The following CDK6 variants were observed in gnomAD, a reference collection of about 807,000 sequenced individuals.
CDK6 encodes cyclin dependent kinase 6.
Under a neutral mutation model 37.1 loss-of-function variants are expected in CDK6, and 6 were observed. That is an observed-to-expected ratio of 0.16 (90% confidence interval 0.09 to 0.32). CDK6 has a LOEUF of 0.32. Ranked by LOEUF, CDK6 falls within the 10% of genes least tolerant of loss-of-function variation. The probability of loss-of-function intolerance (pLI) is 1.00; values close to 1 mark genes in which losing one functional copy is unlikely to be tolerated. For missense variants in CDK6, 224 were observed against 418.9 expected, an observed-to-expected ratio of 0.53 and a Z score of 4.06; for synonymous variants, 160 against 161.3, an observed-to-expected ratio of 0.99 and a Z score of 0.06.
chr7:92,625,843 T>C (rs985622452), intron 5 of CDK6, among the ~76,000 whole-genome samples: 1 of 152,044 alleles, frequency 6.6e-6, no homozygotes, highest in Non-Finnish European at 1.5e-5. Flanking sequence ...TTACAATAAT[T>C]TCATTGTACT....
intron 5 of CDK6, among the ~76,000 whole-genome samples, chr7:92,639,406 A>G (rs1200854378): frequency 2.0e-5 from 3 of 152,178 alleles, no homozygotes; most frequent in Non-Finnish European, 4.4e-5. Context: ...GCATGTTAGG[A>G]GACTGACAAA....
chr7:92,762,157 TG>T (rs888875282), intron 3 of CDK6, among the ~76,000 whole-genome samples: 4 of 152,170 alleles, frequency 2.6e-5, no homozygotes, highest in Non-Finnish European at 4.4e-5. Flanking sequence ...ATAATCATAA[TG>T]GGGGGGACAA....
chr7:92,782,044 G>C (rs1020524207), intron 2 of CDK6, among the ~76,000 whole-genome samples: 1 of 152,178 alleles, frequency 6.6e-6, no homozygotes, highest in African/African-American at 2.4e-5. Flanking sequence ...TGTGCATGCT[G>C]CTAGAAGCAA....
intron 5 of CDK6, among the ~76,000 whole-genome samples, chr7:92,641,491 T>C (rs1007207360): frequency 2.0e-5 from 3 of 152,246 alleles, no homozygotes; most frequent in Admixed American, 6.5e-5. Flanking sequence ...TATGTTCCCA[T>C]ATTTTTTGAG....
At chr7:92,684,080 A>G (rs2116628598) in intron 4 of CDK6, among the ~76,000 whole-genome samples, 1 of 152,338 alleles carries the variant, frequency 6.6e-6, no homozygotes, top group African/African-American at 2.4e-5. Context: ...CGCTGAATTA[A>G]CTTTATCTGT....
chr7:92,618,248 T>G (rs780700721), intron 6 of CDK6, 41 bp from the exon 7 acceptor site: 3 of 1,599,308 alleles, frequency 1.9e-6, no homozygotes, highest in African/African-American at 2.7e-5. Context: ...TTAGCTACTA[T>G]GCAGAAGCTG....
At chr7:92,625,129 A>G (rs1400212877) in intron 5 of CDK6, among the ~76,000 whole-genome samples, 2 of 151,824 alleles carry the variant, frequency 1.3e-5, no homozygotes, top group Non-Finnish European at 2.9e-5. Flanking sequence ...AATGATACTT[A>G]CCTCATAGGA....
intron 2 of CDK6, among the ~76,000 whole-genome samples, chr7:92,805,745 G>T (rs1015721377): frequency 5.3e-5 from 8 of 152,196 alleles, no homozygotes; most frequent in African/African-American, 1.9e-4. Flanking sequence ...GACCAGAAGT[G>T]TAATGATTCT....
intron 5 of CDK6, among the ~76,000 whole-genome samples, chr7:92,638,735 T>A (rs1035400662): frequency 6.6e-6 from 1 of 152,184 alleles, no homozygotes; most frequent in African/African-American, 2.4e-5. Context: ...GTCCTCAAAT[T>A]AAATATGTCT....
chr7:92,793,802 G>A (rs1248171603), intron 2 of CDK6, among the ~76,000 whole-genome samples: 1 of 152,048 alleles, frequency 6.6e-6, no homozygotes, highest in East Asian at 1.9e-4. Flanking sequence ...GGCCAGAGTA[G>A]GCAAATCTAC....
intron 3 of CDK6, among the ~76,000 whole-genome samples, chr7:92,743,776 A>G (rs1470005608): frequency 6.6e-6 from 1 of 152,242 alleles, no homozygotes; most frequent in Non-Finnish European, 1.5e-5. Context: ...TGGCAGAGAG[A>G]GGAACAAAAA....
intron 4 of CDK6, among the ~76,000 whole-genome samples, chr7:92,707,291 G>C (rs148583870): frequency 6.6e-6 from 1 of 152,218 alleles, no homozygotes; most frequent in African/African-American, 2.4e-5. Context: ...GATACAGAGA[G>C]GCTAAAGAAC....
chr7:92,798,512 C>T (rs1800476622), intron 2 of CDK6, among the ~76,000 whole-genome samples: 1 of 152,178 alleles, frequency 6.6e-6, no homozygotes, highest in African/African-American at 2.4e-5. Flanking sequence ...GCCCAGTTAG[C>T]ACACTAATTT....
intron 4 of CDK6, among the ~76,000 whole-genome samples, chr7:92,679,763 C>CA (rs1454640389): frequency 6.6e-6 from 1 of 151,970 alleles, no homozygotes; most frequent in Admixed American, 6.6e-5. Context: ...CTCTATAGCC[C>CA]AAGCTGGAGT....
At chr7:92,676,831 C>T (rs1444279596) in intron 4 of CDK6, among the ~76,000 whole-genome samples, 1 of 151,688 alleles carries the variant, frequency 6.6e-6, no homozygotes, top group Non-Finnish European at 1.5e-5. Context: ...CTCTGGTGGG[C>T]GCTTGTAGTC....
chr7:92,673,871 G>A (rs568200463), intron 4 of CDK6, among the ~76,000 whole-genome samples: 48 of 151,742 alleles, frequency 3.2e-4, no homozygotes, highest in Non-Finnish European at 5.0e-4. Context: ...TCCGCCTCCC[G>A]GGTTCAAGCA....
intron 6 of CDK6, among the ~76,000 whole-genome samples, chr7:92,622,170 A>G (rs1795818216): frequency 6.6e-6 from 1 of 152,152 alleles, no homozygotes; most frequent in Non-Finnish European, 1.5e-5. Context: ...ACAAAAAACC[A>G]AAAAAGGATG....
chr7:92,729,066 A>C (rs958355705), intron 3 of CDK6, among the ~76,000 whole-genome samples: 4 of 152,184 alleles, frequency 2.6e-5, no homozygotes, highest in African/African-American at 9.7e-5. Flanking sequence ...TATAGTCCCA[A>C]TTCCAGAGGA....
chr7:92,791,705 G>T (rs578166007), intron 2 of CDK6, among the ~76,000 whole-genome samples: 1 of 152,282 alleles, frequency 6.6e-6, no homozygotes, highest in East Asian at 1.9e-4. Flanking sequence ...ACCTCGAGGG[G>T]AAGTGGCTGG....
Sources: gnomAD v4.1 joint callset for allele counts (sites outside exome capture counted in the v4.1 genomes callset) on GRCh38, gnomAD v4.1.1 for gene constraint, MANE v1.5 for transcripts, NCBI Gene and HGNC (gene_info 2026-07-23, HGNC 2026-07-21) for gene names.